Variants in TTLL5 observed in about 807,000 individuals in gnomAD.
TTLL5 encodes tubulin polyglutamylase TTLL5.
A neutral mutation model predicts 168.4 loss-of-function variants in TTLL5; 132 were observed. That is an observed-to-expected ratio of 0.78 (90% CI 0.68 to 0.91). TTLL5 has a LOEUF of 0.91. Ranked by LOEUF, TTLL5 falls within the 40% of genes least tolerant of loss-of-function variation. TTLL5 has a pLI of 0.00. For synonymous variants in TTLL5, 546 were observed against 558.6 expected (o/e 0.98, Z 0.32); for missense variants, 1,545 against 1,581.5 (o/e 0.98, Z 0.39).
chr14:75,743,443 C>T (rs1358227561), intron 15 of TTLL5, among the ~76,000 whole-genome samples: 1 of 151,984 alleles, frequency 6.6e-6, no homozygotes, highest in Non-Finnish European at 1.5e-5. Flanking sequence ...GCAAGATAGG[C>T]TTCATTCTAA....
At chr14:75,806,584 G>A (rs1304996564) in intron 27 of TTLL5, among the ~76,000 whole-genome samples, 1 of 152,142 alleles carries the variant, frequency 6.6e-6, no homozygotes, top group Non-Finnish European at 1.5e-5. Flanking sequence ...TTCCCCAGTT[G>A]CCATGTCTAA....
chr14:75,850,859 G>A (rs568152607), intron 28 of TTLL5, among the ~76,000 whole-genome samples: 2 of 152,038 alleles, frequency 1.3e-5, no homozygotes, highest in African/African-American at 2.4e-5. Context: ...TGTAATCCCA[G>A]CACTTTGGGA....
chr14:75,902,636 G>GT, intron 31 of TTLL5: 1 of 458,140 alleles, frequency 2.2e-6, no homozygotes, highest in Non-Finnish European at 4.4e-6. Context: ...GCTTGTTGAA[G>GT]TTTATGCGTG....
intron 27 of TTLL5, among the ~76,000 whole-genome samples, chr14:75,802,342 A>C (rs1352727517): frequency 6.6e-6 from 1 of 152,130 alleles, no homozygotes; most frequent in Admixed American, 6.5e-5. Flanking sequence ...CATTGCTCTC[A>C]TTATATTACA....
chr14:75,673,628 T>C (rs1372707547), intron 3 of TTLL5, among the ~76,000 whole-genome samples: 26 of 152,238 alleles, frequency 1.7e-4, no homozygotes, highest in Admixed American at 1.7e-3. Flanking sequence ...ATTGTGAGGA[T>C]TACATGAGCT....
chr14:75,798,026 ATTC>A (rs1460628225), intron 27 of TTLL5, among the ~76,000 whole-genome samples: 5 of 151,778 alleles, frequency 3.3e-5, no homozygotes, highest in Non-Finnish European at 5.9e-5. Flanking sequence ...GATTCGTCTA[ATTC>A]TTCTTGAATG....
intron 10 of TTLL5, among the ~76,000 whole-genome samples, chr14:75,718,517 G>C (rs1300154687): frequency 6.6e-6 from 1 of 152,002 alleles, no homozygotes. Flanking sequence ...TTTTGCTGAG[G>C]GGGGAGGAAA....
intron 2 of TTLL5, 24 bp from the exon 3 acceptor site, chr14:75,669,392 A>G: frequency 1.2e-6 from 2 of 1,600,322 alleles, no homozygotes; most frequent in Non-Finnish European, 1.7e-6. Context: ...CTGTAAATTA[A>G]TGAAGGCTTT....
chr14:75,895,135 T>A (rs2032589322), intron 30 of TTLL5, among the ~76,000 whole-genome samples: 1 of 152,238 alleles, frequency 6.6e-6, no homozygotes, highest in Non-Finnish European at 1.5e-5. Context: ...TCTCAGGACT[T>A]CCTGAGGGGT....
chr14:75,875,133 C>A (rs1339419592), intron 29 of TTLL5, among the ~76,000 whole-genome samples: 1 of 149,640 alleles, frequency 6.7e-6, no homozygotes, highest in Admixed American at 6.6e-5. Context: ...TGGGGTTTCA[C>A]CGTTTTAGCC....
rs929549724 is a variant in TTLL5, at chr14:75,755,715, A to G, written c.1550+2760A>G. ...TTGAAAAAAATGAGATTGTGTTTGT[A>G]GCAAGTCCTAGTATCTTCCAATAAA... is the stretch of plus-strand genomic sequence containing the variant. On this transcript the variant is annotated intron_variant, in intron 18 of 31. Transcript: ENST00000298832. Among the ~76,000 whole-genome samples, 2 of 152,176 alleles carry G rather than the reference A, an allele frequency of 1.3e-5. 1 individual carries two copies. Among genetic ancestry groups the G allele is most frequent in the South Asian group, 4.1e-4 (2 of 4,826 alleles).
chr14:75,722,135 G>T (rs1271571477), intron 12 of TTLL5, among the ~76,000 whole-genome samples: 1 of 151,938 alleles, frequency 6.6e-6, no homozygotes, highest in Non-Finnish European at 1.5e-5. Context: ...CTGTGCTTTT[G>T]TGCCACTGTA....
At chr14:75,740,933 C>T (rs938064278) in intron 15 of TTLL5, among the ~76,000 whole-genome samples, 2 of 152,090 alleles carry the variant, frequency 1.3e-5, no homozygotes, top group Admixed American at 6.5e-5. Flanking sequence ...TTTGTTTTTG[C>T]CCCTCAATTA....
intron 18 of TTLL5, among the ~76,000 whole-genome samples, chr14:75,760,063 C>A (rs558459571): frequency 4.1e-4 from 63 of 152,120 alleles, no homozygotes; most frequent in African/African-American, 1.5e-3. Flanking sequence ...AGTAAAATGT[C>A]TATTTTTGGA....
In TTLL5 at chr14:75,699,090, C is replaced by T. The variant is rs1322276518; in HGVS notation, c.503-98C>T. ...AGAAATTTGTAAGATTTTTGGGTTCCCTGAGTAGATAACCCTTTTTGAAAG... is the reference window on the plus strand; with the variant it reads ...AGAAATTTGTAAGATTTTTGGGTTCTCTGAGTAGATAACCCTTTTTGAAAG... On this transcript the variant is annotated intron_variant, in intron 6 of 31. Transcript: ENST00000298832. 3 of 1,079,626 alleles carry T rather than the reference C, an allele frequency of 2.8e-6. No individual in the cohort carries two copies. In the African/African-American group the frequency reaches 4.7e-5, roughly 17 times the overall value. 66.9% of individuals were successfully genotyped at this position (1,079,626 alleles called of 1,614,324 possible).
chr14:75,908,424 A>G (rs554963477), intron 31 of TTLL5, among the ~76,000 whole-genome samples: 2 of 152,254 alleles, frequency 1.3e-5, no homozygotes, highest in Non-Finnish European at 2.9e-5. Context: ...TTGCAAATGC[A>G]GTGCAGGCAG....
chr14:75,711,637 C>G (rs542154998), intron 9 of TTLL5: 6 of 152,296 alleles, frequency 3.9e-5, no homozygotes, highest in Non-Finnish European at 8.8e-5. Flanking sequence ...TGAGTTCCAC[C>G]CATGCGGCGG....
At chr14:75,841,264 G>C (rs141150058) in intron 28 of TTLL5, among the ~76,000 whole-genome samples, 1 of 152,096 alleles carries the variant, frequency 6.6e-6, no homozygotes, top group Non-Finnish European at 1.5e-5. Context: ...GCCATTTTTG[G>C]ATTTTAGGTT....
At chr14:75,925,004 C>T (rs1327933547) in intron 31 of TTLL5, among the ~76,000 whole-genome samples, 1 of 148,380 alleles carries the variant, frequency 6.7e-6, no homozygotes. Context: ...GCAGGCCGGG[C>T]AGAGGGGCTC....
Sources: allele counts gnomAD v4.1 joint callset (sites outside exome capture counted in the v4.1 genomes callset), GRCh38; gene constraint gnomAD v4.1.1; transcripts MANE v1.5; gene names NCBI Gene and HGNC (gene_info 2026-07-23, HGNC 2026-07-21).